ADAM10: variants seen among roughly 807,000 people sequenced by gnomAD.
The protein encoded by ADAM10 is ADAM metallopeptidase domain 10.
A neutral mutation model predicts 90.1 loss-of-function variants in ADAM10; 17 were observed. That is an observed-to-expected ratio of 0.19 (90% CI 0.13 to 0.28). The LOEUF (loss-of-function observed/expected upper bound fraction) is 0.28, where lower values mean the gene tolerates loss of function less well. Among genes scored for constraint, ADAM10 ranks in the 10% least tolerant of loss-of-function variants. ADAM10 has a pLI of 1.00. For missense variants in ADAM10, 610 were observed against 914.3 expected (o/e 0.67, Z 4.29); for synonymous variants, 310 against 298.6 (o/e 1.04, Z -0.40).
chr15:58,665,000 G>T, intron 5 of ADAM10, 97 bp downstream of exon 5: 2 of 998,634 alleles, frequency 2.0e-6, no homozygotes, highest in East Asian at 2.4e-5. Context: ...GTGGTGTTAA[G>T]TCTTTCAGAA....
chr15:58,621,766 C>A, intron 10 of ADAM10, 145 bp from the exon 11 acceptor site: 1 of 1,035,100 alleles, frequency 9.7e-7, no homozygotes. Context: ...CTGGAAATTA[C>A]GAGACCTAAT....
chr15:58,667,922 G>C (rs1179166574), intron 4 of ADAM10, among the ~76,000 whole-genome samples: 1 of 151,988 alleles, frequency 6.6e-6, no homozygotes, highest in Non-Finnish European at 1.5e-5. Flanking sequence ...GAGGGTAAGT[G>C]GGCATAAGAA....
At chr15:58,602,755 C>T (rs1895148812) in intron 14 of ADAM10, among the ~76,000 whole-genome samples, 1 of 152,046 alleles carries the variant, frequency 6.6e-6, no homozygotes, top group Non-Finnish European at 1.5e-5. Flanking sequence ...CCACAGACAC[C>T]TTTCTTCTCT....
intron 1 of ADAM10, among the ~76,000 whole-genome samples, chr15:58,726,813 T>C (rs563844680): frequency 6.6e-6 from 1 of 150,432 alleles, no homozygotes; most frequent in African/African-American, 2.4e-5. Context: ...CAATGCACTA[T>C]GATCACATTT....
rs140479597 is a variant in ADAM10, at chr15:58,669,991, T to C, written c.485-4794A>G. On this transcript the variant is annotated intron_variant, in intron 4 of 15. Transcript: ENST00000260408. Reference sequence around the variant, plus strand: ...AGAGAAGAATTACACTGAAAGCTTTTGGGGGTGATGGGCATGTTTATTATC... The same window carrying C: ...AGAGAAGAATTACACTGAAAGCTTTCGGGGGTGATGGGCATGTTTATTATC... Among the ~76,000 whole-genome samples the C allele has an allele frequency of 8.9e-3, 1,360 of 152,136 alleles. 28 individuals are homozygous for C. The highest frequency in any genetic ancestry group is 0.031 in the African/African-American group (1,302 of 41,532).
chr15:58,686,389 C>T (rs1897602916), intron 2 of ADAM10: 3 of 988,718 alleles, frequency 3.0e-6, no homozygotes, highest in South Asian at 1.4e-5. Context: ...AGGCTGGGCC[C>T]TCGGAGCCCA....
Position 58,643,066 on chromosome 15 carries a change from A to AT in ADAM10, c.828+819dup, listed in dbSNP as rs200392557. On this transcript the variant is annotated intron_variant, in intron 7 of 15. Coordinates refer to ENST00000260408, the MANE Select transcript of ADAM10 (RefSeq NM_001110.4). ...TGGCAAATACTTTTGTGAAAGGATG[A>AT]TTTTTTTTTAAGTTCGGTTGTTTAT... is the stretch of plus-strand genomic sequence containing the variant. 1.9e-4 allele frequency among the ~76,000 whole-genome samples: 29 copies of AT among 151,600 alleles called. No individual in the cohort carries two copies. In the East Asian group the frequency reaches 4.3e-3, roughly 22 times the overall value.
At chr15:58,683,788 A>T (rs1897510047) in intron 2 of ADAM10, among the ~76,000 whole-genome samples, 2 of 134,254 alleles carry the variant, frequency 1.5e-5, no homozygotes, top group African/African-American at 5.8e-5. Flanking sequence ...TGAATCTGGG[A>T]GGTGGAGGCT....
chr15:58,600,701 CTG>C (rs1459010615), intron 14 of ADAM10, among the ~76,000 whole-genome samples: 5 of 152,192 alleles, frequency 3.3e-5, no homozygotes, highest in South Asian at 2.1e-4. Flanking sequence ...AGGAAAATTA[CTG>C]TGTCTAGTCT....
chr15:58,718,749 T>C (rs1432875552), intron 1 of ADAM10, among the ~76,000 whole-genome samples: 2 of 152,184 alleles, frequency 1.3e-5, no homozygotes, highest in African/African-American at 4.8e-5. Context: ...TGATTAGAGC[T>C]CTGCTGAACA....
intron 2 of ADAM10, among the ~76,000 whole-genome samples, chr15:58,687,327 G>C (rs1292934451): frequency 1.2e-4 from 19 of 152,198 alleles, no homozygotes; most frequent in East Asian, 1.9e-4. Context: ...CTACTTTGTA[G>C]CTGTGGCTGT....
chr15:58,647,964 C>T (rs1477994595), intron 5 of ADAM10, among the ~76,000 whole-genome samples: 1 of 152,122 alleles, frequency 6.6e-6, no homozygotes, highest in African/African-American at 2.4e-5. Flanking sequence ...AATATAGAAC[C>T]CAAATTGAAT....
chr15:58,652,835 A>C (rs1184086365), intron 5 of ADAM10, among the ~76,000 whole-genome samples: 3 of 152,144 alleles, frequency 2.0e-5, no homozygotes, highest in African/African-American at 7.2e-5. Context: ...TTTTAACAAC[A>C]CTGATTCTTC....
At chr15:58,665,253 T>C (rs1897053234) in intron 4 of ADAM10, 56 bp from the exon 5 acceptor site, 11 of 1,288,710 alleles carry the variant, frequency 8.5e-6, no homozygotes, top group Non-Finnish European at 1.2e-5. Flanking sequence ...TAACCAATTA[T>C]AAATGAGAAT....
chr15:58,594,049 GTCTT>G lies in ADAM10; in HGVS notation c.*3494_*3497del, dbSNP rs879805822. ...TTGTCCTCTGTGGGGCAAACCAATTGTCTTTCTAGTTTCTAAGAAGTTGAAAGTG... is the reference window on the plus strand; with the variant it reads ...TTGTCCTCTGTGGGGCAAACCAATTGTCTAGTTTCTAAGAAGTTGAAAGTG... On this transcript the variant is annotated 3_prime_UTR_variant, in exon 16 of 16. Coordinates refer to ENST00000260408, the MANE Select transcript of ADAM10 (RefSeq NM_001110.4). The G allele has an allele frequency of 3.3e-5, 5 of 152,164 alleles. No homozygotes were observed. The highest frequency in any genetic ancestry group is 4.8e-5 in the African/African-American group (2 of 41,446). The allele number at this position is 152,164 out of a possible 1,614,324, so 9.4% of individuals were successfully genotyped here. A position where few individuals can be genotyped will look rare whatever the true frequency, so the allele number is the denominator to read the frequency against.
chr15:58,731,486 G>C (rs1224530074), intron 1 of ADAM10, among the ~76,000 whole-genome samples: 1 of 152,074 alleles, frequency 6.6e-6, no homozygotes, highest in Non-Finnish European at 1.5e-5. Context: ...AAACTAGCCA[G>C]GTGTGGTGGC....
intron 14 of ADAM10, among the ~76,000 whole-genome samples, chr15:58,601,439 C>T (rs931110088): frequency 6.6e-6 from 1 of 152,000 alleles, no homozygotes; most frequent in Non-Finnish European, 1.5e-5. Flanking sequence ...CCAGCCTGGG[C>T]AACAGAGTGA....
At position 58,597,505 on chromosome 15, in the gene ADAM10, T is replaced by C; in HGVS notation, c.*42A>G. The C allele has an allele frequency of 1.2e-6, 2 of 1,614,066 alleles. No individual in the cohort carries two copies. Among genetic ancestry groups the C allele is most frequent in the East Asian group, 2.2e-5 (1 of 44,880 alleles). On this transcript the variant is annotated 3_prime_UTR_variant, in exon 16 of 16. Transcript: ENST00000260408. The stretch of plus-strand genomic sequence containing the variant: ...TAGGTTTCTCTTTGGAGTGAAGTTT[T>C]CCCATTGTAGGCACTAGGAAGAACC...
intron 5 of ADAM10, among the ~76,000 whole-genome samples, chr15:58,654,630 C>T (rs1401281149): frequency 6.6e-6 from 1 of 152,192 alleles, no homozygotes; most frequent in African/African-American, 2.4e-5. Flanking sequence ...CATTCCACAT[C>T]AGCTTCCTAA....
Sources: allele counts gnomAD v4.1 joint callset (sites outside exome capture counted in the v4.1 genomes callset), GRCh38; gene constraint gnomAD v4.1.1; transcripts MANE v1.5; gene names NCBI Gene and HGNC (gene_info 2026-07-23, HGNC 2026-07-21).